PDSS2: variants seen among roughly 807,000 people sequenced by gnomAD.
The protein encoded by PDSS2 is decaprenyl diphosphate synthase subunit 2, also known as all trans-polyprenyl-diphosphate synthase PDSS2.
Under a neutral mutation model 44.5 loss-of-function variants are expected in PDSS2, and 31 were observed. The ratio of observed to expected loss-of-function variants is 0.70; its 90% CI spans 0.52 to 0.94. PDSS2 has a LOEUF of 0.94. Among genes scored for constraint, PDSS2 ranks in the 40% least tolerant of loss-of-function variants. The pLI, the probability that PDSS2 is intolerant of heterozygous loss-of-function variation, is 0.00. For missense variants in PDSS2, 452 were observed against 482.2 expected, an observed-to-expected ratio of 0.94 and a Z score of 0.59; for synonymous variants, 157 against 180.3, an observed-to-expected ratio of 0.87 and a Z score of 1.03.
rs553021721 is a variant in PDSS2, at chr6:107,320,066, T to C, written c.431+14132A>G. Among the ~76,000 whole-genome samples the C allele has an allele frequency of 7.9e-5, 12 of 152,322 alleles. No homozygotes were observed. The East Asian group carries it at 1.2e-3, about 15-fold the overall frequency. On this transcript the variant is annotated intron_variant, in intron 2 of 7. Coordinates refer to ENST00000369037, the MANE Select transcript of PDSS2 (RefSeq NM_020381.4). The stretch of plus-strand genomic sequence containing the variant: ...AGCCATATTTTCTCACTCGCCTTCA[T>C]TGGGAACACAGTCGTTTGCATGGCA...
At chr6:107,308,653 C>T (rs1202636198) in intron 2 of PDSS2, among the ~76,000 whole-genome samples, 1 of 152,184 alleles carries the variant, frequency 6.6e-6, no homozygotes, top group African/African-American at 2.4e-5. Flanking sequence ...GAGGTGACAG[C>T]AAAGTTGTAC....
At chr6:107,338,882 G>A (rs1016807252) in intron 1 of PDSS2, among the ~76,000 whole-genome samples, 7 of 149,096 alleles carry the variant, frequency 4.7e-5, no homozygotes, top group African/African-American at 1.7e-4. Flanking sequence ...GATAGATCTA[G>A]TAAGTATTAA....
At chr6:107,179,807 G>A (rs1271941794) in intron 7 of PDSS2, among the ~76,000 whole-genome samples, 1 of 152,148 alleles carries the variant, frequency 6.6e-6, no homozygotes, top group East Asian at 1.9e-4. Context: ...AAGTGGGGAG[G>A]CTGAGTAGTG....
intron 7 of PDSS2, among the ~76,000 whole-genome samples, chr6:107,158,304 C>T (rs912438463): frequency 2.6e-5 from 4 of 151,808 alleles, no homozygotes; most frequent in Non-Finnish European, 5.9e-5. Flanking sequence ...TCTGCGTCAG[C>T]CTCCCGAGTA....
intron 7 of PDSS2, among the ~76,000 whole-genome samples, chr6:107,188,379 A>C (rs1772250460): frequency 1.8e-5 from 2 of 108,262 alleles, no homozygotes; most frequent in South Asian, 5.4e-4. Context: ...ACCCTGTCTC[A>C]AAAAAAAAAA....
intron 2 of PDSS2, among the ~76,000 whole-genome samples, chr6:107,278,482 C>T (rs546119746): frequency 1.9e-4 from 29 of 152,146 alleles, no homozygotes; most frequent in African/African-American, 6.7e-4. Flanking sequence ...GAAAAAAGTC[C>T]GCATTATCAC....
At chr6:107,175,282 C>T (rs1339545958) in intron 7 of PDSS2, among the ~76,000 whole-genome samples, 1 of 151,794 alleles carries the variant, frequency 6.6e-6, no homozygotes, top group Non-Finnish European at 1.5e-5. Context: ...TATCTTCTAC[C>T]CTCACAACAG....
intron 2 of PDSS2, 63 bp from the exon 3 acceptor site, chr6:107,274,290 T>C: frequency 1.5e-6 from 2 of 1,290,988 alleles, no homozygotes; most frequent in Non-Finnish European, 2.2e-6. Context: ...TAATGTCTGA[T>C]TTCAGTTTTC....
At chr6:107,384,870 A>C (rs1334788298) in intron 1 of PDSS2, among the ~76,000 whole-genome samples, 1 of 152,112 alleles carries the variant, frequency 6.6e-6, no homozygotes, top group Non-Finnish European at 1.5e-5. Context: ...AAACACAAAA[A>C]CTGTCCAAAA....
At chr6:107,253,768 G>A (rs1582850539) in intron 3 of PDSS2, among the ~76,000 whole-genome samples, 1 of 152,160 alleles carries the variant, frequency 6.6e-6, no homozygotes, top group Non-Finnish European at 1.5e-5. Flanking sequence ...TTGGACTACT[G>A]AAGCAATGCC....
rs1773402424 is a variant in PDSS2 at position 107,216,077 on chromosome 6, C to T, written c.703-3795G>A. ...ACGTGAGCTTGGGAAGCAGAGGCTGCAGTGAGCTGAGATTTTGCCACTGCA... is the reference window on the plus strand; with the variant it reads ...ACGTGAGCTTGGGAAGCAGAGGCTGTAGTGAGCTGAGATTTTGCCACTGCA... On this transcript the variant is annotated intron_variant, in intron 4 of 7. Transcript: ENST00000369037. Among the ~76,000 whole-genome samples, 3 of 151,964 alleles carry T rather than the reference C, an allele frequency of 2.0e-5. No homozygotes were observed. The South Asian group carries it at 6.2e-4, about 32-fold the overall frequency.
At chr6:107,390,541 T>C (rs1779748266) in intron 1 of PDSS2, among the ~76,000 whole-genome samples, 1 of 152,118 alleles carries the variant, frequency 6.6e-6, no homozygotes, top group African/African-American at 2.4e-5. Context: ...CTGCATTGGA[T>C]CCTGGAACAG....
chr6:107,424,036 C>CATTTTTTTTTTTTTTTT (rs1554279679), intron 1 of PDSS2, among the ~76,000 whole-genome samples: 1 of 90,586 alleles, frequency 1.1e-5, no homozygotes. Context: ...TATCTTGCAT[C>CATTTTTTTTTTTTTTTT]TTTTTTTTTT....
intron 6 of PDSS2, among the ~76,000 whole-genome samples, chr6:107,204,353 A>C (rs193219201): frequency 2.6e-5 from 4 of 152,200 alleles, no homozygotes; most frequent in Admixed American, 2.6e-4. Flanking sequence ...TTGCTTCTCC[A>C]TTTATCAGTT....
chr6:107,438,066 C>T (rs1158348387), intron 1 of PDSS2, among the ~76,000 whole-genome samples: 1 of 152,122 alleles, frequency 6.6e-6, no homozygotes, highest in Admixed American at 6.5e-5. Flanking sequence ...ACGAAGTGGG[C>T]ATGGTGATCC....
chr6:107,201,610 C>T (rs749042886), intron 6 of PDSS2, among the ~76,000 whole-genome samples: 4 of 152,226 alleles, frequency 2.6e-5, no homozygotes, highest in South Asian at 2.1e-4. Context: ...TGAACTGTTT[C>T]CAATTTCCAA....
chr6:107,358,898 G>GA (rs1409905432), intron 1 of PDSS2, among the ~76,000 whole-genome samples: 5 of 150,300 alleles, frequency 3.3e-5, no homozygotes, highest in Middle Eastern at 3.5e-3. Flanking sequence ...GCCTTTGGTT[G>GA]AAAAAAATCA....
intron 6 of PDSS2, among the ~76,000 whole-genome samples, chr6:107,194,133 T>A (rs1772474576): frequency 6.6e-6 from 1 of 152,228 alleles, no homozygotes. Flanking sequence ...ATCTTATACA[T>A]ATACAGCATC....
At chr6:107,400,256 T>C (rs1780066612) in intron 1 of PDSS2, among the ~76,000 whole-genome samples, 1 of 152,158 alleles carries the variant, frequency 6.6e-6, no homozygotes. Flanking sequence ...TTTCTGGTCC[T>C]AATTAATTAG....
Sources: allele counts gnomAD v4.1 joint callset (sites outside exome capture counted in the v4.1 genomes callset), GRCh38; gene constraint gnomAD v4.1.1; transcripts MANE v1.5; gene names NCBI Gene and HGNC (gene_info 2026-07-23, HGNC 2026-07-21).